Variants in DHX35 observed in about 807,000 individuals in gnomAD.
DHX35 encodes the protein DEAH-box helicase 35.
In DHX35, 84 loss-of-function variants were observed where a neutral mutation model predicts 99.6. That is an observed-to-expected ratio of 0.84 (90% CI 0.71 to 1.01). DHX35 has a LOEUF of 1.01. DHX35 is among the 50% of genes least tolerant of loss of function. The probability of loss-of-function intolerance (pLI) is 0.00; values close to 1 mark genes in which losing one functional copy is unlikely to be tolerated. For synonymous variants in DHX35, 331 were observed against 316.2 expected (o/e 1.05, Z -0.50); for missense variants, 852 against 888.5 (o/e 0.96, Z 0.52).
chr20:39,017,137 T>C lies in DHX35; in HGVS notation c.1403-1667T>C, dbSNP rs571593939. On this transcript the variant is annotated intron_variant, in intron 14 of 21. Coordinates refer to ENST00000252011, the MANE Select transcript of DHX35 (RefSeq NM_021931.4). ...GCCTAACTTGTAGTCATTAAGATATTCTCCTAGGTTTTATAGTTTTGGCCC... is the reference window on the plus strand; with the variant it reads ...GCCTAACTTGTAGTCATTAAGATATCCTCCTAGGTTTTATAGTTTTGGCCC... Among the ~76,000 whole-genome samples the C allele has an allele frequency of 5.9e-5, 9 of 152,336 alleles. No homozygotes were observed. The East Asian group carries it at 1.7e-3, about 29-fold the overall frequency.
rs776241724 is a variant in DHX35 at position 39,021,916 on chromosome 20, C to T, written c.1574C>T (p.Pro525Leu). The T allele has an allele frequency of 2.5e-6, 4 of 1,614,022 alleles. No individual in the cohort carries two copies. Among genetic ancestry groups the T allele is most frequent in the African/African-American group, 2.7e-5 (2 of 74,932 alleles). The change falls in exon 16 of 22, where the codon CCA becomes CTA. Residue 525 changes from proline to leucine, a missense_variant. Coordinates refer to ENST00000252011, the MANE Select transcript of DHX35 (RefSeq NM_021931.4). ...MQIQNIFVVP[P>L]NQKSHAIRVH... Reference sequence around the variant, plus strand: ...ATCCAGAATATCTTTGTGGTCCCCCCAAACCAGAAGTCTCACGCAGTAAGT... The same window carrying T: ...ATCCAGAATATCTTTGTGGTCCCCCTAAACCAGAAGTCTCACGCAGTAAGT...
Position 39,014,891 on chromosome 20 carries a change from A to C in DHX35, c.1359A>C (p.Ala453=), listed in dbSNP as rs1274265344. Residue 453 remains alanine, a synonymous_variant, in exon 14 of 22, where the codon GCA becomes GCC. Coordinates refer to ENST00000252011, the MANE Select transcript of DHX35 (RefSeq NM_021931.4). ...LRFHFMSPPP[A]QSMVQALELL... is the part of the protein sequence containing the mutation. ...TATGTTTTTTCCAGCCCCCTCCAGC[A>C]CAGTCGATGGTTCAAGCCTTGGAGT... 6.2e-7 allele frequency: 1 copy of C among 1,614,056 alleles called. No individual in the cohort carries two copies. The highest frequency in any genetic ancestry group is 8.5e-7 in the Non-Finnish European group (1 of 1,180,028).
chr20:39,015,508 C>A (rs1005236922), intron 14 of DHX35, among the ~76,000 whole-genome samples: 3 of 148,050 alleles, frequency 2.0e-5, no homozygotes, highest in Non-Finnish European at 3.0e-5. Flanking sequence ...ACCTTAATAG[C>A]GTTTATCTTG....
At chr20:39,020,863 A>C (rs1278307037) in intron 15 of DHX35, among the ~76,000 whole-genome samples, 3 of 151,898 alleles carry the variant, frequency 2.0e-5, no homozygotes, top group Admixed American at 6.6e-5. Context: ...GGGTTTCACT[A>C]TGTTGGCCAG....
intron 12 of DHX35, among the ~76,000 whole-genome samples, chr20:39,009,483 G>A (rs2086666751): frequency 6.6e-6 from 1 of 151,930 alleles, no homozygotes; most frequent in South Asian, 2.1e-4. Flanking sequence ...TATTGTTTAA[G>A]AAGGGTGTAC....
At chr20:38,964,608 T>C (rs1208758907) in intron 1 of DHX35, among the ~76,000 whole-genome samples, 1 of 152,060 alleles carries the variant, frequency 6.6e-6, no homozygotes, top group African/African-American at 2.4e-5. Context: ...TTTTTGTATT[T>C]TTAGTAGAGA....
intron 12 of DHX35, among the ~76,000 whole-genome samples, chr20:39,009,556 T>A (rs1011951742): frequency 6.6e-6 from 1 of 152,118 alleles, no homozygotes; most frequent in Non-Finnish European, 1.5e-5. Context: ...TATATAATCC[T>A]TAAGCTTTCT....
At chr20:39,009,674 T>C (rs975401490) in intron 12 of DHX35, among the ~76,000 whole-genome samples, 3 of 152,172 alleles carry the variant, frequency 2.0e-5, no homozygotes, top group African/African-American at 7.2e-5. Context: ...CCCCCTCCCT[T>C]TCTGCCCTTC....
intron 8 of DHX35, among the ~76,000 whole-genome samples, chr20:38,997,434 A>C (rs966666527): frequency 6.6e-6 from 1 of 152,178 alleles, no homozygotes; most frequent in Non-Finnish European, 1.5e-5. Context: ...TTGGTGGAAC[A>C]CAGAGATGAA....
At chr20:39,034,408 T>C (rs905504206) in intron 21 of DHX35, 91 bp downstream of exon 21, 6 of 1,076,880 alleles carry the variant, frequency 5.6e-6, no homozygotes, top group Admixed American at 3.7e-5. Context: ...TAATGCCCTA[T>C]GTGTGTTCCC....
At chr20:39,030,655 C>A in intron 19 of DHX35, 49 bp from the exon 20 acceptor site, 2 of 1,536,480 alleles carry the variant, frequency 1.3e-6, no homozygotes, top group Non-Finnish European at 1.8e-6. Context: ...GAAAGTCTTG[C>A]TATAAGTATT....
chr20:38,987,195 C>T (rs1432428222), intron 4 of DHX35, among the ~76,000 whole-genome samples: 1 of 152,104 alleles, frequency 6.6e-6, no homozygotes, highest in Non-Finnish European at 1.5e-5. Flanking sequence ...CCCTTTGGTT[C>T]TTTTCATTTA....
At chr20:38,963,231 G>T (rs2085862078) in intron 1 of DHX35, among the ~76,000 whole-genome samples, 1 of 152,114 alleles carries the variant, frequency 6.6e-6, no homozygotes, top group South Asian at 2.1e-4. Flanking sequence ...ACAGTTTCTT[G>T]TAAAAAACAA....
At chr20:38,969,841 G>T (rs758951052) in intron 2 of DHX35, among the ~76,000 whole-genome samples, 2 of 152,234 alleles carry the variant, frequency 1.3e-5, no homozygotes, top group Admixed American at 1.3e-4. Context: ...GATGGACACA[G>T]TTGACATATA....
chr20:39,021,809 G>A, intron 15 of DHX35, 32 bp from the exon 16 acceptor site: 1 of 1,605,336 alleles, frequency 6.2e-7, no homozygotes. Context: ...CACATTATAT[G>A]GTTGAAACCA....
chr20:38,969,168 C>G lies in DHX35; in HGVS notation c.128C>G (p.Ala43Gly). 1.9e-6 allele frequency: 3 copies of G among 1,613,794 alleles called. No individual in the cohort carries two copies. Among genetic ancestry groups the G allele is most frequent in the Non-Finnish European group, 2.5e-6 (3 of 1,179,746 alleles). Residue 43 changes from alanine to glycine, a missense_variant, in exon 2 of 22, where the codon GCT becomes GGT. Transcript: ENST00000252011. Reference sequence around the variant, plus strand: ...ACAACGGTTGTTTACAACCCTTATGCTGCCCTTTCCATAGAGCAGCAGAGG... The same window carrying G: ...ACAACGGTTGTTTACAACCCTTATGGTGCCCTTTCCATAGAGCAGCAGAGG... ...SGTTVVYNPY[A>G]ALSIEQQRQK...
At chr20:39,013,355 TACTG>T (rs2086733291) in intron 13 of DHX35, among the ~76,000 whole-genome samples, 1 of 152,226 alleles carries the variant, frequency 6.6e-6, no homozygotes, top group African/African-American at 2.4e-5. Flanking sequence ...CCCAAGTAGT[TACTG>T]TGAAGTTTGT....
intron 12 of DHX35, among the ~76,000 whole-genome samples, chr20:39,007,540 C>T (rs529522067): frequency 2.6e-4 from 39 of 152,354 alleles, no homozygotes; most frequent in African/African-American, 8.9e-4. Flanking sequence ...ATGCCTTCTC[C>T]TAGAAGCTGG....
chr20:38,999,197 C>T (rs1403694804), intron 8 of DHX35, among the ~76,000 whole-genome samples: 1 of 151,998 alleles, frequency 6.6e-6, no homozygotes, highest in East Asian at 1.9e-4. Flanking sequence ...GCATCATCTT[C>T]TTCCTTGTTC....
Sources: gnomAD v4.1 joint callset for allele counts (sites outside exome capture counted in the v4.1 genomes callset) on GRCh38, gnomAD v4.1.1 for gene constraint, MANE v1.5 for transcripts, NCBI Gene and HGNC (gene_info 2026-07-23, HGNC 2026-07-21) for gene names.